ARB2A: variants seen among roughly 807,000 people sequenced by gnomAD.
The protein encoded by ARB2A is ARB2 cotranscriptional regulator A, also known as cotranscriptional regulator ARB2A.
the ARB2A span, among the ~76,000 whole-genome samples, chr5:93,997,723 T>A: frequency 3.3e-5 from 5 of 151,984 alleles, no homozygotes; most frequent in Non-Finnish European, 7.4e-5. Flanking sequence ...TGCCTCAGAT[T>A]ACTTCCTCTG....
chr5:93,668,475 C>T, the ARB2A span, among the ~76,000 whole-genome samples: 1 of 152,150 alleles, frequency 6.6e-6, no homozygotes, highest in South Asian at 2.1e-4. Flanking sequence ...TGGCAGTCCA[C>T]ATATATAAGA....
the ARB2A span, among the ~76,000 whole-genome samples, chr5:94,036,027 C>T: frequency 4.0e-5 from 6 of 151,802 alleles, no homozygotes; most frequent in Admixed American, 2.0e-4. Flanking sequence ...TTAAAAAAAA[C>T]AGTAAAACCA....
At chr5:93,708,013 A>T in the ARB2A span, among the ~76,000 whole-genome samples, 1 of 152,214 alleles carries the variant, frequency 6.6e-6, no homozygotes, top group East Asian at 1.9e-4. Context: ...TAGTGCTATG[A>T]ATGCCCATAT....
chr5:94,058,849 A>G, the ARB2A span, among the ~76,000 whole-genome samples: 1 of 152,072 alleles, frequency 6.6e-6, no homozygotes, highest in Non-Finnish European at 1.5e-5. Flanking sequence ...CCCTAGTGGG[A>G]GGTGTTTGGG....
At chr5:93,975,402 C>T in the ARB2A span, among the ~76,000 whole-genome samples, 1 of 146,310 alleles carries the variant, frequency 6.8e-6, no homozygotes, top group African/African-American at 2.5e-5. Context: ...AAAACAAGAA[C>T]AAATTAAATT....
At chr5:94,074,541 T>C in the ARB2A span, 1 of 832,908 alleles carries the variant, frequency 1.2e-6, no homozygotes, top group Non-Finnish European at 1.8e-6. Flanking sequence ...TTTAGGTACT[T>C]ATATTCTTAT....
chr5:94,032,205 C>T, the ARB2A span, among the ~76,000 whole-genome samples: 1 of 152,152 alleles, frequency 6.6e-6, no homozygotes, highest in Admixed American at 6.5e-5. Flanking sequence ...TTTTGCACTG[C>T]TTAAAGTTTA....
the ARB2A span, chr5:93,741,689 T>A: frequency 2.1e-5 from 24 of 1,158,184 alleles, no homozygotes; most frequent in Non-Finnish European, 2.8e-5. Context: ...CAAGGGTGCC[T>A]GTGCGTAGGC....
the ARB2A span, among the ~76,000 whole-genome samples, chr5:93,964,743 T>C: frequency 7.2e-5 from 11 of 152,052 alleles, no homozygotes; most frequent in Admixed American, 6.6e-4. Context: ...TAGGAACAAT[T>C]AATATACATT....
chr5:94,009,713 T>C, the ARB2A span, among the ~76,000 whole-genome samples: 3 of 152,034 alleles, frequency 2.0e-5, no homozygotes, highest in Non-Finnish European at 4.4e-5. Flanking sequence ...TTAAAATAAA[T>C]ATATAACGTT....
At chr5:93,700,443 A>C in the ARB2A span, among the ~76,000 whole-genome samples, 1 of 152,104 alleles carries the variant, frequency 6.6e-6, no homozygotes, top group Non-Finnish European at 1.5e-5. Context: ...TTATCAACTG[A>C]ATTTAGGGTA....
the ARB2A span, among the ~76,000 whole-genome samples, chr5:93,638,924 T>G: frequency 1.3e-5 from 2 of 152,358 alleles, no homozygotes; most frequent in Non-Finnish European, 2.9e-5. Flanking sequence ...TCTGTAGATT[T>G]TGAATTTCCT....
the ARB2A span, among the ~76,000 whole-genome samples, chr5:93,661,688 T>C: frequency 5.3e-5 from 8 of 152,096 alleles, no homozygotes; most frequent in Non-Finnish European, 1.2e-4. Context: ...ACTCTCATAA[T>C]GTTTTTAAAA....
the ARB2A span, among the ~76,000 whole-genome samples, chr5:94,041,044 A>G: frequency 6.6e-6 from 1 of 152,120 alleles, no homozygotes; most frequent in African/African-American, 2.4e-5. Flanking sequence ...TGTCAGCAAA[A>G]GTGTAAGAAT....
the ARB2A span, chr5:94,055,614 A>G: frequency 2.0e-6 from 2 of 985,086 alleles, no homozygotes; most frequent in Non-Finnish European, 2.4e-6. Context: ...TGGGTTTAAA[A>G]AGGGACATAT....
the ARB2A span, among the ~76,000 whole-genome samples, chr5:93,777,914 G>A: frequency 2.6e-5 from 4 of 152,048 alleles, no homozygotes; most frequent in African/African-American, 9.7e-5. Flanking sequence ...AGGGAGAGCA[G>A]GAATAACATA....
At chr5:94,074,666 T>G in the ARB2A span, 1 of 1,612,558 alleles carries the variant, frequency 6.2e-7, no homozygotes, top group Non-Finnish European at 8.5e-7. Context: ...GGTAGTCTTT[T>G]CTTTTTCATC....
At chr5:93,762,609 G>C in the ARB2A span, among the ~76,000 whole-genome samples, 1 of 152,156 alleles carries the variant, frequency 6.6e-6, no homozygotes, top group East Asian at 1.9e-4. Flanking sequence ...AGAATGGAAC[G>C]AAGTTGGAAA....
the ARB2A span, chr5:93,736,071 T>G: frequency 6.6e-6 from 1 of 152,278 alleles, no homozygotes; most frequent in South Asian, 2.1e-4. Context: ...TTTCCACACT[T>G]TTTATCCAGT....
Sources: allele counts gnomAD v4.1 joint callset (sites outside exome capture counted in the v4.1 genomes callset), GRCh38; gene constraint gnomAD v4.1.1; transcripts MANE v1.5; gene names NCBI Gene and HGNC (gene_info 2026-07-23, HGNC 2026-07-21).